CRACDL: variants seen among roughly 807,000 people sequenced by gnomAD.
The protein encoded by CRACDL is CRACD-like protein.
Under a neutral mutation model 70.6 loss-of-function variants are expected in CRACDL, and 26 were observed. The observed-to-expected ratio is 0.37, with a 90% CI of 0.27 to 0.51. The LOEUF (loss-of-function observed/expected upper bound fraction) is 0.51. CRACDL is among the 20% of genes least tolerant of loss of function. The probability of loss-of-function intolerance (pLI) is 0.94; values close to 1 mark genes in which losing one functional copy is unlikely to be tolerated. For missense variants in CRACDL, 1,283 were observed against 1,376.9 expected (o/e 0.93, Z 1.08); for synonymous variants, 618 against 615.2 (o/e 1.00, Z -0.07).
intron 6 of CRACDL, among the ~76,000 whole-genome samples, chr2:98,826,117 TGAACCTC>T (rs1382959766): frequency 6.6e-6 from 1 of 152,208 alleles, no homozygotes; most frequent in Non-Finnish European, 1.5e-5. Flanking sequence ...CAACCCTATG[TGAACCTC>T]GAACCTGCCA....
intron 1 of CRACDL, among the ~76,000 whole-genome samples, chr2:98,879,574 C>T (rs765929987): frequency 8.5e-5 from 13 of 152,232 alleles, no homozygotes; most frequent in African/African-American, 2.2e-4. Context: ...TCAGAGATGG[C>T]GTCTCACTCT....
chr2:98,875,519 A>G lies in CRACDL; in HGVS notation c.-10-28709T>C, dbSNP rs1707466248. Reference sequence around the variant, plus strand: ...ACTGCAATCTCTGACAGAGGGAAGAAGGAAAGTCCCAGTTGACAGACAGCA... The same window carrying G: ...ACTGCAATCTCTGACAGAGGGAAGAGGGAAAGTCCCAGTTGACAGACAGCA... On this transcript the variant is annotated intron_variant, in intron 1 of 9. Coordinates refer to ENST00000397899, the MANE Select transcript of CRACDL (RefSeq NM_207362.3). Among the ~76,000 whole-genome samples the G allele has an allele frequency of 4.2e-5, 6 of 143,346 alleles. No individual in the cohort carries two copies. The South Asian group carries it at 1.3e-3, about 30-fold the overall frequency. 94.0% of individuals were successfully genotyped at this position (143,346 alleles called of 152,430 possible). A position where few individuals can be genotyped will look rare whatever the true frequency, so the allele number is the denominator to read the frequency against.
chr2:98,850,544 A>T (rs1706440871), intron 1 of CRACDL, among the ~76,000 whole-genome samples: 1 of 152,236 alleles, frequency 6.6e-6, no homozygotes, highest in Non-Finnish European at 1.5e-5. Context: ...AGGTCAAGTC[A>T]GGCCACCTCA....
chr2:98,826,007 T>C (rs957602423), intron 6 of CRACDL, among the ~76,000 whole-genome samples: 1 of 152,172 alleles, frequency 6.6e-6, no homozygotes, highest in East Asian at 1.9e-4. Flanking sequence ...GACATTAGCC[T>C]GTGAGCATCT....
intron 2 of CRACDL, chr2:98,840,610 G>T (rs1705988249): frequency 6.6e-6 from 1 of 152,030 alleles, no homozygotes; most frequent in South Asian, 2.1e-4. Flanking sequence ...ACCCCACTCT[G>T]CTTATAGATT....
At chr2:98,896,821 T>C (rs1708138773) in intron 1 of CRACDL, among the ~76,000 whole-genome samples, 1 of 152,188 alleles carries the variant, frequency 6.6e-6, no homozygotes, top group African/African-American at 2.4e-5. Flanking sequence ...TCTCTAGCGA[T>C]AAGTGGAAAA....
intron 7 of CRACDL, among the ~76,000 whole-genome samples, chr2:98,821,308 C>T (rs1022848928): frequency 6.6e-6 from 1 of 152,152 alleles, no homozygotes; most frequent in African/African-American, 2.4e-5. Context: ...TTCAGCCTCG[C>T]AAGTAGCTGG....
chr2:98,881,072 G>A lies in CRACDL; in HGVS notation c.-10-34262C>T, dbSNP rs116584010. On this transcript the variant is annotated intron_variant, in intron 1 of 9. Transcript: ENST00000397899. The stretch of plus-strand genomic sequence containing the variant: ...TCAGAGCCGACACGTCAGATGGGCC[G>A]CACTCGGCACCTGCTTGAAACCAGA... Among the ~76,000 whole-genome samples the A allele has an allele frequency of 6.0e-3, 919 of 152,292 alleles. 3 individuals carry two copies. The highest frequency in any genetic ancestry group is 9.2e-3 in the Non-Finnish European group (628 of 68,016).
intron 1 of CRACDL, among the ~76,000 whole-genome samples, chr2:98,883,096 C>T (rs1707701335): frequency 6.6e-6 from 1 of 152,220 alleles, no homozygotes; most frequent in South Asian, 2.1e-4. Flanking sequence ...CAGACATAGG[C>T]AGACCCAGGT....
At position 98,823,060 on chromosome 2, in the gene CRACDL, C is replaced by A; in HGVS notation, c.1213G>T (p.Ala405Ser). The A allele has an allele frequency of 6.4e-7, 1 of 1,565,720 alleles. No individual in the cohort carries two copies. The highest frequency in any genetic ancestry group is 8.6e-7 in the Non-Finnish European group (1 of 1,159,000). Residue 405 changes from alanine (A) to serine (S), a missense_variant, in exon 7 of 10, where the codon GCC becomes TCC. Physicochemically the swap from Ala to Ser is moderately conservative, Grantham distance 99. Coordinates refer to ENST00000397899, the MANE Select transcript of CRACDL (RefSeq NM_207362.3). The surrounding 1 kb of genome is among the most constrained non-coding windows in gnomAD (Gnocchi z 4.0). Reference protein sequence around the residue: ...PEDVASPFPTAIPEGDTTPPE... With the variant: ...PEDVASPFPTSIPEGDTTPPE... ...GGAGTCGTGTCCCCCTCAGGGATGG[C>A]GGTGGGAAACGGGCTCGCGACGTCT...
intron 1 of CRACDL, among the ~76,000 whole-genome samples, chr2:98,850,769 A>G (rs1010306977): frequency 6.6e-6 from 1 of 152,196 alleles, no homozygotes; most frequent in Non-Finnish European, 1.5e-5. Flanking sequence ...ACAGAATCCA[A>G]GGGAGTCCTG....
chr2:98,858,246 ATAATCCCAACACTGTCTG>A (rs976886425), intron 1 of CRACDL, among the ~76,000 whole-genome samples: 2 of 152,182 alleles, frequency 1.3e-5, no homozygotes, highest in Admixed American at 6.5e-5. Flanking sequence ...GTGCCTGCCT[ATAATCCCAACACTGTCTG>A]TAATCCCAAC....
At chr2:98,807,546 C>T (rs754265414) in intron 7 of CRACDL, among the ~76,000 whole-genome samples, 4 of 152,238 alleles carry the variant, frequency 2.6e-5, no homozygotes, top group Non-Finnish European at 4.4e-5. Flanking sequence ...AACTGCAGTG[C>T]AGCATGACAC....
chr2:98,822,651 T>C lies in CRACDL; in HGVS notation c.1622A>G (p.Lys541Arg). The C allele has an allele frequency of 7.7e-7, 1 of 1,299,488 alleles. No individual in the cohort carries two copies. Among genetic ancestry groups the C allele is most frequent in the South Asian group, 2.3e-5 (1 of 43,786 alleles). The allele number at this position is 1,299,488 out of a possible 1,614,324, so 80.5% of individuals were successfully genotyped here. ...CGGTGGCGCCTCGGCTCGCTCGGCC[T>C]TGGGGCGCTCCGGGGCGGCGGCCTC... ...DAEAAAPERP[K>R]AERAEAPPAG... is the part of the protein sequence containing the mutation. The change falls in exon 7 of 10, where the codon AAG (lysine) becomes AGG (arginine). Residue 541 changes from lysine (K) to arginine (R), a missense_variant. Physicochemically the swap from Lys to Arg is conservative, Grantham distance 26. Around this residue, in one of 2 missense-constraint regions of CRACDL, gnomAD observed 921 missense variants for 881.9 expected, o/e 1.04. Coordinates refer to ENST00000397899, the MANE Select transcript of CRACDL (RefSeq NM_207362.3). The surrounding 1 kb of genome is among the most constrained non-coding windows in gnomAD (Gnocchi z 4.9).
intron 1 of CRACDL, among the ~76,000 whole-genome samples, chr2:98,894,696 A>G (rs980756741): frequency 2.6e-5 from 4 of 152,194 alleles, no homozygotes; most frequent in African/African-American, 9.7e-5. Flanking sequence ...GCATCTGGAG[A>G]TCATGTCCCG....
chr2:98,801,032 G>A (rs1206281202), intron 7 of CRACDL, among the ~76,000 whole-genome samples: 2 of 152,168 alleles, frequency 1.3e-5, no homozygotes, highest in East Asian at 1.9e-4. Context: ...GTGGGATAAG[G>A]TAACCTGCAA....
intron 1 of CRACDL, among the ~76,000 whole-genome samples, chr2:98,906,880 G>C (rs1708430014): frequency 6.6e-6 from 1 of 152,134 alleles, no homozygotes; most frequent in African/African-American, 2.4e-5. Context: ...TTTTGTTATG[G>C]AGAGTTTAGC....
At chr2:98,908,820 T>C (rs1234144522) in intron 1 of CRACDL, among the ~76,000 whole-genome samples, 1 of 152,222 alleles carries the variant, frequency 6.6e-6, no homozygotes, top group Non-Finnish European at 1.5e-5. Context: ...AGCCTCACAA[T>C]TTCCACTAAA....
chr2:98,901,264 C>T lies in CRACDL; in HGVS notation c.-11+34674G>A, dbSNP rs114832282. On this transcript the variant is annotated intron_variant, in intron 1 of 9. Coordinates refer to ENST00000397899, the MANE Select transcript of CRACDL (RefSeq NM_207362.3). ...CTCAATAAATGGTGACCATTTTGAC[C>T]ATGATGGGCCACTGAGCCTCTGCCA... 6.2e-3 allele frequency among the ~76,000 whole-genome samples: 941 copies of T among 152,306 alleles called. 10 individuals are homozygous for T. Among genetic ancestry groups the T allele is most frequent in the African/African-American group, 0.021 (869 of 41,564 alleles).
Sources: allele counts gnomAD v4.1 joint callset (sites outside exome capture counted in the v4.1 genomes callset), GRCh38; gene constraint gnomAD v4.1.1; regional missense constraint gnomAD v4.1.1; non-coding constraint Gnocchi (gnomAD v3.1); transcripts MANE v1.5; gene names NCBI Gene and HGNC (gene_info 2026-07-23, HGNC 2026-07-21).